Variants in PRKCH observed in about 807,000 individuals in gnomAD.
The protein encoded by PRKCH is protein kinase C eta.
PRKCH carries 28 observed loss-of-function variants against 82.5 expected under a neutral mutation model. The ratio of observed to expected loss-of-function variants is 0.34; its 90% CI spans 0.25 to 0.47. The LOEUF is 0.47. PRKCH is among the 20% of genes least tolerant of loss of function. The pLI, the probability that PRKCH is intolerant of heterozygous loss-of-function variation, is 1.00. For synonymous variants in PRKCH, 322 were observed against 327.4 expected, an observed-to-expected ratio of 0.98 and a Z score of 0.18; for missense variants, 705 against 881.8, an observed-to-expected ratio of 0.80 and a Z score of 2.54.
intron 1 of PRKCH, among the ~76,000 whole-genome samples, chr14:61,337,878 G>T (rs1240436868): frequency 7.2e-5 from 11 of 152,214 alleles, no homozygotes; most frequent in Non-Finnish European, 1.6e-4. Flanking sequence ...TTGCTTCATA[G>T]TACGGCACAA....
chr14:61,326,611 A>G lies in PRKCH; in HGVS notation c.363+4147A>G, dbSNP rs959120129. On this transcript the variant is annotated intron_variant, in intron 1 of 13. Coordinates refer to ENST00000332981, the MANE Select transcript of PRKCH (RefSeq NM_006255.5). ...ATTATACCTGAATAAAGCTGTGGGG[A>G]AAAAAACCAATCAGCGCTTATCCAT... Among the ~76,000 whole-genome samples the G allele has an allele frequency of 7.2e-5, 11 of 152,182 alleles. No individual in the cohort carries two copies. The South Asian group carries it at 8.3e-4, about 11-fold the overall frequency.
At position 61,499,727 on chromosome 14, in the gene PRKCH, A is replaced by G. The variant is rs2139947623; in HGVS notation, c.1433+14071A>G. Among the ~76,000 whole-genome samples, 3 of 149,516 alleles carry G rather than the reference A, an allele frequency of 2.0e-5. 1 individual carries two copies. Among genetic ancestry groups the G allele is most frequent in the Middle Eastern group, 3.4e-3 (1 of 294 alleles). On this transcript the variant is annotated intron_variant, in intron 10 of 13. Transcript: ENST00000332981. ...AATATCCAACATCTGCCGAGCAGTCATTTTTTTCCGTACTTAAACACCTAT... is the reference window on the plus strand; with the variant it reads ...AATATCCAACATCTGCCGAGCAGTCGTTTTTTTCCGTACTTAAACACCTAT...
chr14:61,399,906 C>T (rs1452848791), intron 2 of PRKCH, among the ~76,000 whole-genome samples: 1 of 151,974 alleles, frequency 6.6e-6, no homozygotes, highest in Non-Finnish European at 1.5e-5. Context: ...AAAAAAAAGG[C>T]CTTTTACTTC....
intron 9 of PRKCH, among the ~76,000 whole-genome samples, chr14:61,466,349 A>G (rs533612068): frequency 6.6e-5 from 10 of 152,312 alleles, no homozygotes; most frequent in Admixed American, 1.3e-4. Context: ...GGCGAAATTC[A>G]CATCACACTC....
intron 1 of PRKCH, among the ~76,000 whole-genome samples, chr14:61,211,994 G>A (rs1201344813): frequency 6.6e-6 from 1 of 152,142 alleles, no homozygotes. Context: ...CAGCACCAGA[G>A]ATTTTTTCCA....
chr14:61,549,843 G>A lies in PRKCH; in HGVS notation c.*12G>A, dbSNP rs1224962991. On this transcript the variant is annotated 3_prime_UTR_variant, in exon 14 of 14. Transcript: ENST00000332981. ...AATTGCAACCATAGCCTTATGGGGA[G>A]TGAGAGAGAGGGCACGAGAACCCAA... 2 of 1,611,356 alleles carry A rather than the reference G, an allele frequency of 1.2e-6. No homozygotes were observed. The highest frequency in any genetic ancestry group is 1.7e-6 in the Non-Finnish European group (2 of 1,178,754).
chr14:61,286,724 C>T (rs1163901353), intron 1 of PRKCH, among the ~76,000 whole-genome samples: 3 of 151,030 alleles, frequency 2.0e-5, no homozygotes. Context: ...TGCGGTGAGC[C>T]GAGATCACGT....
At chr14:61,286,204 C>A (rs1347277401) in intron 1 of PRKCH, among the ~76,000 whole-genome samples, 1 of 152,216 alleles carries the variant, frequency 6.6e-6, no homozygotes, top group African/African-American at 2.4e-5. Context: ...GCCCATGGGG[C>A]AGCTTTTATT....
chr14:61,387,894 T>C (rs952018951), intron 1 of PRKCH, among the ~76,000 whole-genome samples: 5 of 152,320 alleles, frequency 3.3e-5, no homozygotes, highest in African/African-American at 9.6e-5. Flanking sequence ...ATGCCTGTAA[T>C]TCCAGCACTT....
intron 2 of PRKCH, among the ~76,000 whole-genome samples, chr14:61,408,827 A>G (rs144050028): frequency 3.3e-4 from 51 of 152,322 alleles, no homozygotes; most frequent in Non-Finnish European, 4.9e-4. Flanking sequence ...CTAGACAGCT[A>G]TTGAACGTCA....
At chr14:61,394,196 A>G (rs2046731991) in intron 2 of PRKCH, among the ~76,000 whole-genome samples, 1 of 152,158 alleles carries the variant, frequency 6.6e-6, no homozygotes, top group South Asian at 2.1e-4. Context: ...TTTTCAATAT[A>G]TCGTCTGCAT....
chr14:61,431,264 C>A (rs1883382890), intron 2 of PRKCH, among the ~76,000 whole-genome samples: 1 of 152,218 alleles, frequency 6.6e-6, no homozygotes, highest in African/African-American at 2.4e-5. Context: ...GGCCACTGCA[C>A]ATGCGGACAG....
At chr14:61,396,203 C>T (rs112446538) in intron 2 of PRKCH, among the ~76,000 whole-genome samples, 28 of 151,844 alleles carry the variant, frequency 1.8e-4, no homozygotes, top group African/African-American at 2.7e-4. Context: ...ATCTCCTATG[C>T]GGGTTCTGCC....
chr14:61,490,054 T>TC (rs1566910530), intron 10 of PRKCH, among the ~76,000 whole-genome samples: 1 of 152,240 alleles, frequency 6.6e-6, no homozygotes, highest in Non-Finnish European at 1.5e-5. Flanking sequence ...CACAGCACTT[T>TC]CCAACACATG....
intron 2 of PRKCH, among the ~76,000 whole-genome samples, chr14:61,411,982 A>G (rs1157022051): frequency 1.3e-5 from 2 of 152,244 alleles, no homozygotes; most frequent in Non-Finnish European, 2.9e-5. Context: ...TTGCTTGCTT[A>G]GTGGGGAATA....
At chr14:61,519,888 A>G (rs75914529) in intron 10 of PRKCH, among the ~76,000 whole-genome samples, 1 of 150,010 alleles carries the variant, frequency 6.7e-6, no homozygotes, top group African/African-American at 2.5e-5. Context: ...AAAAAAAAAA[A>G]TGAGCTGATG....
At chr14:61,411,391 G>A (rs565618803) in intron 2 of PRKCH, among the ~76,000 whole-genome samples, 1 of 152,188 alleles carries the variant, frequency 6.6e-6, no homozygotes, top group African/African-American at 2.4e-5. Flanking sequence ...AAACTGATGG[G>A]ATGGTTCTTG....
At chr14:61,404,284 A>C (rs2140222403) in intron 2 of PRKCH, among the ~76,000 whole-genome samples, 1 of 152,318 alleles carries the variant, frequency 6.6e-6, no homozygotes. Flanking sequence ...TTGCAGATAC[A>C]TTCTTTGTAT....
upstream of PRKCH, among the ~76,000 whole-genome samples, chr14:61,317,201 T>C (rs1358628925): frequency 6.6e-6 from 1 of 152,180 alleles, no homozygotes; most frequent in Non-Finnish European, 1.5e-5. Flanking sequence ...ATCTCTCTCC[T>C]CGGTGTTGCT....
Sources: allele counts gnomAD v4.1 joint callset (sites outside exome capture counted in the v4.1 genomes callset), GRCh38; gene constraint gnomAD v4.1.1; transcripts MANE v1.5; gene names NCBI Gene and HGNC (gene_info 2026-07-23, HGNC 2026-07-21).